Variants in TNNI3K observed in about 807,000 individuals in gnomAD.
The protein encoded by TNNI3K is TNNI3 interacting kinase.
Under a neutral mutation model 114.5 loss-of-function variants are expected in TNNI3K, and 140 were observed. That is an observed-to-expected ratio of 1.22 (90% CI 1.07 to 1.41). The LOEUF (loss-of-function observed/expected upper bound fraction) is 1.41. TNNI3K is among the 40% of genes most tolerant of loss of function. TNNI3K has a pLI of 0.00. For synonymous variants in TNNI3K, 347 were observed against 347.5 expected, an observed-to-expected ratio of 1.00 and a Z score of 0.02; for missense variants, 1,125 against 1,007.6, an observed-to-expected ratio of 1.12 and a Z score of -1.58.
chr1:74,292,340 T>C (rs1400911690), intron 5 of TNNI3K, among the ~76,000 whole-genome samples: 1 of 151,618 alleles, frequency 6.6e-6, no homozygotes, highest in Non-Finnish European at 1.5e-5. Context: ...TTAGCCTTTT[T>C]TTTCTAACAG....
At chr1:74,408,806 T>C (rs1664743649) in intron 17 of TNNI3K, among the ~76,000 whole-genome samples, 1 of 152,206 alleles carries the variant, frequency 6.6e-6, no homozygotes, top group African/African-American at 2.4e-5. Flanking sequence ...ACTAAGATTA[T>C]AGTTTAACAT....
chr1:74,492,115 A>C lies in TNNI3K; in HGVS notation c.2200A>C (p.Ser734Arg). 6.2e-7 allele frequency: 1 copy of C among 1,607,944 alleles called. No homozygotes were observed. The highest frequency in any genetic ancestry group is 1.1e-5 in the South Asian group (1 of 90,258). Reference protein sequence around the residue: ...CNIELMSPASSNSSGSLSPSS... With the variant: ...CNIELMSPASRNSSGSLSPSS... ...CACTCAGCTGATGTCTCCTGCATCAAGTAACAGCAGTGGGTCTCTCTCACC... is the reference window on the plus strand; with the variant it reads ...CACTCAGCTGATGTCTCCTGCATCACGTAACAGCAGTGGGTCTCTCTCACC... The change falls in exon 23 of 25, where the codon AGT (serine) becomes CGT (arginine). Residue 734 changes from serine (S) to arginine (R), a missense_variant. By Grantham distance (110) the Ser-to-Arg change is moderately radical. Transcript: ENST00000326637.
At chr1:74,462,537 T>C (rs1002215974) in intron 20 of TNNI3K, among the ~76,000 whole-genome samples, 3 of 152,208 alleles carry the variant, frequency 2.0e-5, no homozygotes, top group African/African-American at 7.2e-5. Context: ...ATTAGTTATA[T>C]GTAAAATGTT....
At chr1:74,460,994 T>A (rs1667430346) in intron 20 of TNNI3K, among the ~76,000 whole-genome samples, 1 of 152,162 alleles carries the variant, frequency 6.6e-6, no homozygotes, top group African/African-American at 2.4e-5. Context: ...TTATGACTAG[T>A]CCCTCCCCAC....
chr1:74,309,873 G>A (rs974320585), intron 5 of TNNI3K, among the ~76,000 whole-genome samples: 1 of 152,098 alleles, frequency 6.6e-6, no homozygotes, highest in African/African-American at 2.4e-5. Context: ...GCAAAAGTTG[G>A]AAACATTTTC....
At chr1:74,355,251 A>C (rs924839133) in intron 11 of TNNI3K, among the ~76,000 whole-genome samples, 1 of 152,232 alleles carries the variant, frequency 6.6e-6, no homozygotes, top group South Asian at 2.1e-4. Flanking sequence ...ACTGAAAATA[A>C]CAATTATTAA....
At chr1:74,312,496 A>G (rs1449323211) in intron 5 of TNNI3K, among the ~76,000 whole-genome samples, 1 of 152,248 alleles carries the variant, frequency 6.6e-6, no homozygotes, top group Non-Finnish European at 1.5e-5. Flanking sequence ...TACTGAGATT[A>G]TTTATGACTG....
At chr1:74,249,721 A>G (rs575823799) in intron 3 of TNNI3K, among the ~76,000 whole-genome samples, 177 bp downstream of exon 3, 1 of 152,298 alleles carries the variant, frequency 6.6e-6, no homozygotes, top group African/African-American at 2.4e-5. Flanking sequence ...GAATATTCCA[A>G]TTGATTTAGC....
intron 5 of TNNI3K, among the ~76,000 whole-genome samples, chr1:74,283,365 G>T (rs1399512576): frequency 6.6e-6 from 1 of 152,106 alleles, no homozygotes; most frequent in Non-Finnish European, 1.5e-5. Flanking sequence ...ATTATTATCA[G>T]TTATTTTAAG....
At chr1:74,344,815 G>A (rs1257515507) in intron 9 of TNNI3K, among the ~76,000 whole-genome samples, 1 of 152,108 alleles carries the variant, frequency 6.6e-6, no homozygotes, top group Non-Finnish European at 1.5e-5. Flanking sequence ...GCTACTCAGA[G>A]TAACAGATTA....
intron 17 of TNNI3K, among the ~76,000 whole-genome samples, chr1:74,379,846 C>T (rs1041582635): frequency 5.3e-5 from 8 of 152,082 alleles, no homozygotes; most frequent in Non-Finnish European, 1.0e-4. Flanking sequence ...CTTTTTGTCT[C>T]CCTACAGAAA....
chr1:74,236,204 T>C lies in TNNI3K; in HGVS notation c.143T>C (p.Ile48Thr). 6.2e-7 allele frequency: 1 copy of C among 1,604,350 alleles called. No homozygotes were observed. The highest frequency in any genetic ancestry group is 1.1e-5 in the South Asian group (1 of 90,318). The change falls in exon 2 of 25, where the codon ATA becomes ACA. Residue 48 changes from isoleucine to threonine, a missense_variant. Transcript: ENST00000326637. ...KEKELTELRN[I>T]FGSDEAFSKV... is the part of the protein sequence containing the mutation. ...AAAGAACTGACAGAACTAAGGAATA[T>C]ATTTGGGTAAAGTTGTAAGAGTCAT... is the stretch of plus-strand genomic sequence containing the variant.
chr1:74,353,510 C>T (rs1661492786), intron 10 of TNNI3K, 150 bp downstream of exon 10: 1 of 871,970 alleles, frequency 1.1e-6, no homozygotes, highest in East Asian at 2.7e-5. Flanking sequence ...TTGATAATGA[C>T]TGATAATAAT....
At position 74,439,372 on chromosome 1, in the gene TNNI3K, T is replaced by C. The variant is rs1327683332; in HGVS notation, c.1879-118T>C. 6 of 1,464,624 alleles carry C rather than the reference T, an allele frequency of 4.1e-6. No homozygotes were observed. The African/African-American group carries it at 8.5e-5, about 21-fold the overall frequency. The allele number at this position is 1,464,624 out of a possible 1,614,324, so 90.7% of individuals were successfully genotyped here. A position where few individuals can be genotyped will look rare whatever the true frequency, so the allele number is the denominator to read the frequency against. ...CAATATGTATGGATGTTAATTTATA[T>C]TTATGCCTTTTGAGAGCATCGGGAG... On this transcript the variant is annotated intron_variant, in intron 19 of 24. Transcript: ENST00000326637.
intron 5 of TNNI3K, among the ~76,000 whole-genome samples, chr1:74,304,773 T>G (rs556891006): frequency 6.6e-6 from 1 of 152,310 alleles, no homozygotes; most frequent in South Asian, 2.1e-4. Flanking sequence ...ATCAAGGTAT[T>G]ACATTGTGTT....
chr1:74,250,897 T>A, intron 4 of TNNI3K, 128 bp downstream of exon 4: 1 of 716,500 alleles, frequency 1.4e-6, no homozygotes, highest in Non-Finnish European at 2.1e-6. Context: ...GTTACATTAC[T>A]AAAGGACTTC....
chr1:74,456,030 C>A (rs997251586), intron 20 of TNNI3K, among the ~76,000 whole-genome samples: 2 of 152,116 alleles, frequency 1.3e-5, no homozygotes, highest in African/African-American at 4.8e-5. Flanking sequence ...GAATATAGAA[C>A]AACTCTTATT....
intron 21 of TNNI3K, chr1:74,480,239 G>A (rs1453659211): frequency 1.1e-5 from 8 of 717,434 alleles, no homozygotes; most frequent in Non-Finnish European, 2.1e-5. Flanking sequence ...GAAGTTGGGA[G>A]CTTTGGAATC....
chr1:74,474,571 A>G (rs767090643), intron 21 of TNNI3K, among the ~76,000 whole-genome samples: 8 of 152,178 alleles, frequency 5.3e-5, no homozygotes, highest in Non-Finnish European at 7.4e-5. Context: ...ATTCAAATAA[A>G]TGACAGGAAC....
Sources: allele counts gnomAD v4.1 joint callset (sites outside exome capture counted in the v4.1 genomes callset), GRCh38; gene constraint gnomAD v4.1.1; transcripts MANE v1.5; gene names NCBI Gene and HGNC (gene_info 2026-07-23, HGNC 2026-07-21).